Variants in IFT81 observed in about 807,000 individuals in gnomAD.
The protein encoded by IFT81 is intraflagellar transport protein 81 homolog.
Under a neutral mutation model 102.6 loss-of-function variants are expected in IFT81, and 72 were observed. The ratio of observed to expected loss-of-function variants is 0.70; its 90% CI spans 0.58 to 0.85. The LOEUF (loss-of-function observed/expected upper bound fraction) is 0.85. Ranked by LOEUF, IFT81 falls within the 40% of genes least tolerant of loss-of-function variation. IFT81 has a pLI of 0.00. For synonymous variants in IFT81, 237 were observed against 242.7 expected, an observed-to-expected ratio of 0.98 and a Z score of 0.22; for missense variants, 723 against 787.3, an observed-to-expected ratio of 0.92 and a Z score of 0.98.
intron 8 of IFT81, among the ~76,000 whole-genome samples, chr12:110,139,364 A>AAAAAG (rs1566109609): frequency 5.3e-5 from 8 of 150,720 alleles, no homozygotes; most frequent in Non-Finnish European, 1.5e-5. Flanking sequence ...AAGAAAAGGA[A>AAAAAG]AAAAGAAAAG....
chr12:110,132,701 A>G, intron 5 of IFT81, 65 bp downstream of exon 5: 1 of 837,448 alleles, frequency 1.2e-6, no homozygotes. Flanking sequence ...TTAGCATTTT[A>G]TTAATTCAGT....
chr12:110,198,216 G>C (rs1018000635), intron 14 of IFT81, among the ~76,000 whole-genome samples: 1 of 150,496 alleles, frequency 6.6e-6, no homozygotes. Context: ...GAGTGTGCGC[G>C]TATGTGTGTG....
rs76931975 is a variant in IFT81, at chr12:110,182,602, A to T, written c.1338+2031A>T. Among the ~76,000 whole-genome samples the T allele has an allele frequency of 5.4e-3, 822 of 152,268 alleles. 4 individuals are homozygous for T. The highest frequency in any genetic ancestry group is 8.9e-3 in the Non-Finnish European group (606 of 68,022). On this transcript the variant is annotated intron_variant, in intron 12 of 18. Transcript: ENST00000242591. ...GCCCTAATGGATCATCTGAGTCCTAAATATATTTCTTTCTGTCCCTGTTAT... is the reference window on the plus strand; with the variant it reads ...GCCCTAATGGATCATCTGAGTCCTATATATATTTCTTTCTGTCCCTGTTAT...
intron 18 of IFT81, among the ~76,000 whole-genome samples, chr12:110,215,418 CTTTCT>C (rs1461853594): frequency 6.3e-4 from 86 of 136,752 alleles, no homozygotes; most frequent in African/African-American, 2.4e-3. Flanking sequence ...GAATGAATTC[CTTTCT>C]TTTCTTTTTC....
intron 12 of IFT81, among the ~76,000 whole-genome samples, chr12:110,189,874 A>G (rs1897709385): frequency 1.3e-5 from 2 of 152,140 alleles, no homozygotes; most frequent in Admixed American, 6.5e-5. Context: ...TCACATCCCT[A>G]CATCTAATTT....
intron 14 of IFT81, among the ~76,000 whole-genome samples, chr12:110,196,930 G>A (rs190039373): frequency 2.3e-4 from 35 of 152,250 alleles, no homozygotes; most frequent in Middle Eastern, 3.4e-3. Flanking sequence ...CCAGGCAGCA[G>A]TTGCTCATGA....
In IFT81 at chr12:110,124,381, A is replaced by T. The variant is rs1893687334; in HGVS notation, c.-502A>T. 6.6e-6 allele frequency: 1 copy of T among 151,776 alleles called. No individual in the cohort carries two copies. The highest frequency in any genetic ancestry group is 2.1e-4 in the South Asian group (1 of 4,820). The allele number at this position is 151,776 out of a possible 1,614,324, so 9.4% of individuals were successfully genotyped here. Reference sequence around the variant, plus strand: ...CGTTGCCAAGGAGCTCGACTCTGGGAGCGGTCTAGAGCCCGGGCGCCTCCT... The same window carrying T: ...CGTTGCCAAGGAGCTCGACTCTGGGTGCGGTCTAGAGCCCGGGCGCCTCCT... On this transcript the variant is annotated 5_prime_UTR_variant, in exon 1 of 19. Transcript: ENST00000242591.
At chr12:110,130,656 G>C (rs540358992) in intron 4 of IFT81, among the ~76,000 whole-genome samples, 1 of 151,838 alleles carries the variant, frequency 6.6e-6, no homozygotes, top group African/African-American at 2.4e-5. Flanking sequence ...CGTGAGCCAC[G>C]GTGCACGACC....
intron 4 of IFT81, 31 bp downstream of exon 4, chr12:110,129,161 T>A: frequency 6.8e-7 from 1 of 1,466,892 alleles, no homozygotes; most frequent in Non-Finnish European, 9.3e-7. Flanking sequence ...ACATTGAAAC[T>A]GTAATGGATT....
At chr12:110,174,459 A>G (rs1440408534) in intron 11 of IFT81, among the ~76,000 whole-genome samples, 8 of 145,638 alleles carry the variant, frequency 5.5e-5, no homozygotes, top group African/African-American at 1.5e-4. Context: ...CCGTCTCAGA[A>G]AAAAAAAAAA....
At chr12:110,132,970 C>CTTTTTTTT (rs11349893) in intron 5 of IFT81, among the ~76,000 whole-genome samples, 1 of 124,956 alleles carries the variant, frequency 8.0e-6, no homozygotes, top group African/African-American at 3.2e-5. Context: ...CTTTCTCTCT[C>CTTTTTTTT]TTTTTTTTTT....
intron 7 of IFT81, among the ~76,000 whole-genome samples, chr12:110,135,865 T>TG (rs1894470891): frequency 9.5e-6 from 1 of 105,076 alleles, no homozygotes; most frequent in South Asian, 2.8e-4. Context: ...AGACTTTGTC[T>TG]GAAAAAAAAA....
intron 14 of IFT81, among the ~76,000 whole-genome samples, chr12:110,195,173 A>G (rs1386858031): frequency 6.6e-6 from 1 of 151,422 alleles, no homozygotes; most frequent in African/African-American, 2.4e-5. Flanking sequence ...CCTATAAAAA[A>G]TCTCCTTCTC....
intron 17 of IFT81, among the ~76,000 whole-genome samples, chr12:110,207,250 G>A (rs1276743224): frequency 6.6e-6 from 1 of 151,896 alleles, no homozygotes; most frequent in Non-Finnish European, 1.5e-5. Context: ...TGTAGAAATG[G>A]GGTTTCACCA....
chr12:110,143,750 A>G (rs1895035359), intron 9 of IFT81, among the ~76,000 whole-genome samples: 1 of 152,216 alleles, frequency 6.6e-6, no homozygotes, highest in African/African-American at 2.4e-5. Flanking sequence ...TTATGAAAAC[A>G]TAATCAATTG....
chr12:110,134,950 TATC>T lies in IFT81; in HGVS notation c.524_526del (p.Ile175del). 1 of 1,608,444 alleles carries T rather than the reference TATC, an allele frequency of 6.2e-7. No individual in the cohort carries two copies. Among genetic ancestry groups the T allele is most frequent in the Non-Finnish European group, 8.5e-7 (1 of 1,177,950 alleles). Reference sequence around the variant, plus strand: ...AGGTCTTCTTTGCCACTTTTTAGGATATCAGTGCAATGGAAGAAGAAAAGGATC... The same window carrying T: ...AGGTCTTCTTTGCCACTTTTTAGGATAGTGCAATGGAAGAAGAAAAGGATC... On this transcript the variant is annotated inframe_deletion, in exon 6 of 19. Coordinates refer to ENST00000242591, the MANE Select transcript of IFT81 (RefSeq NM_014055.4).
Position 110,203,916 on chromosome 12 carries a change from C to G in IFT81, c.1610C>G (p.Ala537Gly). ...EKKSQYDSCAAGLESNRSKLE... is the reference protein window; with the variant it reads ...EKKSQYDSCAGGLESNRSKLE... ...AAATCCCAGTATGATAGCTGTGCAGCAGGCCTCGAAAGCAATCGGTCCAAA... is the reference window on the plus strand; with the variant it reads ...AAATCCCAGTATGATAGCTGTGCAGGAGGCCTCGAAAGCAATCGGTCCAAA... The change falls in exon 15 of 19, where the codon GCA becomes GGA. Residue 537 changes from alanine to glycine, a missense_variant. Ala to Gly is a moderately conservative substitution (Grantham distance 60, BLOSUM62 0). Coordinates refer to ENST00000242591, the MANE Select transcript of IFT81 (RefSeq NM_014055.4). 1 of 1,613,632 alleles carries G rather than the reference C, an allele frequency of 6.2e-7. No individual in the cohort carries two copies. Among genetic ancestry groups the G allele is most frequent in the Non-Finnish European group, 8.5e-7 (1 of 1,179,588 alleles).
intron 12 of IFT81, among the ~76,000 whole-genome samples, chr12:110,188,194 T>C (rs1453960853): frequency 6.6e-6 from 1 of 151,524 alleles, no homozygotes. Context: ...TCGCTGGGCA[T>C]GGTGGTGGGT....
intron 12 of IFT81, among the ~76,000 whole-genome samples, chr12:110,183,166 ATAT>A (rs997662357): frequency 3.6e-4 from 55 of 152,252 alleles, no homozygotes; most frequent in African/African-American, 1.3e-3. Flanking sequence ...GTTTGAGGTG[ATAT>A]TATGTGAGAT....
Sources: gnomAD v4.1 joint callset for allele counts (sites outside exome capture counted in the v4.1 genomes callset) on GRCh38, gnomAD v4.1.1 for gene constraint, MANE v1.5 for transcripts, NCBI Gene and HGNC (gene_info 2026-07-23, HGNC 2026-07-21) for gene names.